Variants in CACNB2 observed in about 807,000 individuals in gnomAD.
CACNB2 encodes voltage-dependent L-type calcium channel subunit beta-2.
Under a neutral mutation model 73.3 loss-of-function variants are expected in CACNB2, and 42 were observed. The ratio of observed to expected loss-of-function variants is 0.57; its 90% CI spans 0.45 to 0.74. The LOEUF (loss-of-function observed/expected upper bound fraction) is 0.74, where lower values mean the gene tolerates loss of function less well. Ranked by LOEUF, CACNB2 falls within the 30% of genes least tolerant of loss-of-function variation. CACNB2 has a pLI of 0.00. For missense variants in CACNB2, 940 were observed against 853.0 expected (o/e 1.10, Z -1.27); for synonymous variants, 348 against 310.3 (o/e 1.12, Z -1.28).
At chr10:18,324,921 A>G (rs558177017) in intron 2 of CACNB2, among the ~76,000 whole-genome samples, 2 of 152,324 alleles carry the variant, frequency 1.3e-5, no homozygotes, top group South Asian at 2.1e-4. Context: ...CACTTTACAT[A>G]TGTTACTTAT....
intron 9 of CACNB2, chr10:18,519,635 A>T (rs1473733650): frequency 4.5e-6 from 2 of 447,348 alleles, no homozygotes; most frequent in Non-Finnish European, 8.9e-6. Context: ...TGGAAACTCC[A>T]TCACCATGTA....
chr10:18,333,387 G>T (rs752394260), intron 2 of CACNB2, among the ~76,000 whole-genome samples: 1 of 151,640 alleles, frequency 6.6e-6, no homozygotes, highest in Non-Finnish European at 1.5e-5. Flanking sequence ...TGGGACAAAA[G>T]CACTTTGCTC....
chr10:18,188,899 A>G (rs965616726), intron 2 of CACNB2, among the ~76,000 whole-genome samples: 2 of 152,172 alleles, frequency 1.3e-5, no homozygotes, highest in African/African-American at 2.4e-5. Flanking sequence ...TTGAACTCAC[A>G]TTAGTACCAG....
chr10:18,314,654 A>C (rs2040089860), intron 2 of CACNB2, among the ~76,000 whole-genome samples: 2 of 152,192 alleles, frequency 1.3e-5, no homozygotes, highest in Admixed American at 1.3e-4. Flanking sequence ...CTCAGTTACC[A>C]TTCAAAAACT....
At chr10:18,242,404 T>G (rs756301059) in intron 2 of CACNB2, among the ~76,000 whole-genome samples, 2 of 152,206 alleles carry the variant, frequency 1.3e-5, no homozygotes, top group Non-Finnish European at 2.9e-5. Flanking sequence ...ATAAATGTGT[T>G]GATTTATTAG....
chr10:18,234,603 C>G (rs974293254), intron 2 of CACNB2, among the ~76,000 whole-genome samples: 2 of 152,178 alleles, frequency 1.3e-5, no homozygotes, highest in East Asian at 1.9e-4. Context: ...TGAAGTGAAA[C>G]AAGCCAGTCA....
intron 2 of CACNB2, among the ~76,000 whole-genome samples, chr10:18,329,981 C>T (rs998562382): frequency 2.6e-5 from 4 of 152,046 alleles, no homozygotes; most frequent in Non-Finnish European, 5.9e-5. Context: ...GCTGGGATTA[C>T]AGGCACGCAC....
chr10:18,281,249 T>C (rs2038533499), intron 2 of CACNB2, among the ~76,000 whole-genome samples: 1 of 152,216 alleles, frequency 6.6e-6, no homozygotes, highest in Non-Finnish European at 1.5e-5. Flanking sequence ...CTAGGGAAGA[T>C]ACTGCCTGCT....
At chr10:18,351,430 G>A (rs1038549648) in intron 2 of CACNB2, among the ~76,000 whole-genome samples, 3 of 152,268 alleles carry the variant, frequency 2.0e-5, no homozygotes, top group Non-Finnish European at 2.9e-5. Flanking sequence ...TATATACAAT[G>A]ATTACTGTCT....
At chr10:18,405,478 C>A (rs917232385) in intron 3 of CACNB2, among the ~76,000 whole-genome samples, 2 of 151,984 alleles carry the variant, frequency 1.3e-5, no homozygotes, top group African/African-American at 4.8e-5. Flanking sequence ...TGTGTGTGGG[C>A]GTATGTTTTC....
chr10:18,390,432 T>A (rs1282219781), intron 2 of CACNB2, among the ~76,000 whole-genome samples: 2 of 152,178 alleles, frequency 1.3e-5, no homozygotes, highest in Non-Finnish European at 2.9e-5. Flanking sequence ...CAGGCTGGTC[T>A]CGAACACCTG....
intron 2 of CACNB2, among the ~76,000 whole-genome samples, chr10:18,329,412 A>G (rs1200171161): frequency 6.6e-6 from 1 of 151,632 alleles, no homozygotes; most frequent in Non-Finnish European, 1.5e-5. Context: ...GGAGCAGGAG[A>G]TGAATCCTGC....
chr10:18,407,500 G>C (rs1348775344), intron 3 of CACNB2, among the ~76,000 whole-genome samples: 1 of 151,852 alleles, frequency 6.6e-6, no homozygotes, highest in African/African-American at 2.4e-5. Flanking sequence ...TTGGTATTTT[G>C]ACATTTTGAC....
At chr10:18,457,081 C>T (rs1281868304) in intron 3 of CACNB2, among the ~76,000 whole-genome samples, 4 of 128,308 alleles carry the variant, frequency 3.1e-5, no homozygotes, top group Admixed American at 1.6e-4. Flanking sequence ...ACAAATACAC[C>T]TCCAAGAACT....
intron 3 of CACNB2, among the ~76,000 whole-genome samples, chr10:18,452,420 T>C (rs2047060761): frequency 6.6e-6 from 1 of 152,170 alleles, no homozygotes; most frequent in Non-Finnish European, 1.5e-5. Flanking sequence ...AGAGAAACAC[T>C]GTGTCTCAAA....
chr10:18,218,300 C>G (rs1008741661), intron 2 of CACNB2, among the ~76,000 whole-genome samples: 1 of 152,166 alleles, frequency 6.6e-6, no homozygotes, highest in Non-Finnish European at 1.5e-5. Flanking sequence ...AAACAACCTA[C>G]TGATTAAGTC....
At chr10:18,193,536 C>T (rs2034498357) in intron 2 of CACNB2, among the ~76,000 whole-genome samples, 1 of 152,046 alleles carries the variant, frequency 6.6e-6, no homozygotes, top group South Asian at 2.1e-4. Flanking sequence ...AGATAGATTC[C>T]AGAAGGGCCT....
chr10:18,269,541 A>T (rs1234793688), intron 2 of CACNB2, among the ~76,000 whole-genome samples: 2 of 152,256 alleles, frequency 1.3e-5, no homozygotes, highest in Admixed American at 1.3e-4. Context: ...CTGAAAGAAA[A>T]TAGACCTAGA....
chr10:18,299,424 A>G (rs2039417088), intron 2 of CACNB2, among the ~76,000 whole-genome samples: 1 of 152,180 alleles, frequency 6.6e-6, no homozygotes, highest in African/African-American at 2.4e-5. Context: ...GGGGAGCGGG[A>G]GCGTGGCTGC....
Sources: gnomAD v4.1 joint callset for allele counts (sites outside exome capture counted in the v4.1 genomes callset) on GRCh38, gnomAD v4.1.1 for gene constraint, MANE v1.5 for transcripts, NCBI Gene and HGNC (gene_info 2026-07-23, HGNC 2026-07-21) for gene names.